SLIT3: variants seen among roughly 807,000 people sequenced by gnomAD.
SLIT3 encodes the protein slit homolog 3 protein.
A neutral mutation model predicts 184.0 loss-of-function variants in SLIT3; 68 were observed. The observed-to-expected ratio is 0.37, with a 90% CI of 0.30 to 0.45. SLIT3 has a LOEUF of 0.45. Among genes scored for constraint, SLIT3 ranks in the 20% least tolerant of loss-of-function variants. The probability of loss-of-function intolerance (pLI) is 1.00; values close to 1 mark genes in which losing one functional copy is unlikely to be tolerated. For synonymous variants in SLIT3, 831 were observed against 828.6 expected (o/e 1.00, Z -0.05); for missense variants, 1,707 against 2,026.0 (o/e 0.84, Z 3.02).
intron 4 of SLIT3, among the ~76,000 whole-genome samples, chr5:168,916,030 T>C (rs1231393000): frequency 6.6e-6 from 1 of 152,256 alleles, no homozygotes; most frequent in East Asian, 1.9e-4. Context: ...GTTTGTTACA[T>C]AGACATATTT....
intron 4 of SLIT3, among the ~76,000 whole-genome samples, chr5:169,102,144 G>C (rs13176220): frequency 5.9e-5 from 9 of 152,348 alleles, no homozygotes; most frequent in Non-Finnish European, 7.3e-5. Context: ...GCAGTCCCCA[G>C]AAAGTTATGC....
chr5:168,967,794 A>C (rs1475089600), intron 4 of SLIT3, among the ~76,000 whole-genome samples: 1 of 152,108 alleles, frequency 6.6e-6, no homozygotes, highest in East Asian at 1.9e-4. Context: ...GTCCCTCTAC[A>C]ATCACAATAT....
At chr5:168,846,643 C>T (rs1452711616) in intron 5 of SLIT3, among the ~76,000 whole-genome samples, 1 of 152,178 alleles carries the variant, frequency 6.6e-6, no homozygotes, top group Non-Finnish European at 1.5e-5. Context: ...ATGGCACCAT[C>T]CGCCTAAGTA....
At chr5:168,860,902 C>T (rs555786990) in intron 5 of SLIT3, among the ~76,000 whole-genome samples, 15 of 152,296 alleles carry the variant, frequency 9.8e-5, no homozygotes, top group Middle Eastern at 3.4e-3. Context: ...GCTTCCCCTG[C>T]GGCCCTGCAT....
intron 4 of SLIT3, among the ~76,000 whole-genome samples, chr5:169,056,002 G>T (rs1001215859): frequency 2.0e-5 from 3 of 152,108 alleles, no homozygotes; most frequent in Non-Finnish European, 4.4e-5. Flanking sequence ...TCTGACTTTG[G>T]TTCTCAAAAG....
chr5:168,858,104 A>G (rs1758965099), intron 5 of SLIT3, among the ~76,000 whole-genome samples: 1 of 152,262 alleles, frequency 6.6e-6, no homozygotes, highest in African/African-American at 2.4e-5. Context: ...CCAGCATTCA[A>G]TAATTTCATA....
At chr5:169,132,159 G>A (rs1351882465) in intron 4 of SLIT3, among the ~76,000 whole-genome samples, 3 of 152,158 alleles carry the variant, frequency 2.0e-5, no homozygotes, top group African/African-American at 7.2e-5. Context: ...GAATGCCTGT[G>A]GACGATAACG....
intron 3 of SLIT3, among the ~76,000 whole-genome samples, chr5:169,206,049 T>A (rs1028177360): frequency 2.0e-5 from 3 of 152,162 alleles, no homozygotes; most frequent in African/African-American, 7.2e-5. Flanking sequence ...GGGGTGCAAT[T>A]AATAAAAGGA....
Position 168,798,220 on chromosome 5 carries a change from C to CTTTTTTTTTTTTTTTTTTTTT in SLIT3, c.936-2643_936-2642insAAAAAAAAAAAAAAAAAAAAA, listed in dbSNP as rs575178855. Among the ~76,000 whole-genome samples, 144 of 112,250 alleles carry CTTTTTTTTTTTTTTTTTTTTT rather than the reference C, an allele frequency of 1.3e-3. 18 individuals carry two copies. Among genetic ancestry groups the CTTTTTTTTTTTTTTTTTTTTT allele is most frequent in the African/African-American group, 5.0e-3 (121 of 24,086 alleles). The allele number at this position is 112,250 out of a possible 152,430, so 73.6% of individuals were successfully genotyped here. The stretch of plus-strand genomic sequence containing the variant: ...CTTTTGGTTTTCTTTTCTTCTTCTT[C>CTTTTTTTTTTTTTTTTTTTTT]TTCTTTTTTTTTTTTTTTTAAGAGA... On this transcript the variant is annotated intron_variant, in intron 9 of 35. Coordinates refer to ENST00000519560, the MANE Select transcript of SLIT3 (RefSeq NM_003062.4).
intron 4 of SLIT3, among the ~76,000 whole-genome samples, chr5:168,887,720 A>G (rs925670692): frequency 2.0e-5 from 3 of 152,062 alleles, no homozygotes; most frequent in Non-Finnish European, 2.9e-5. Flanking sequence ...TGCCATTATG[A>G]CTTATTAGAC....
chr5:168,944,565 C>T (rs917830032), intron 4 of SLIT3, among the ~76,000 whole-genome samples: 2 of 152,218 alleles, frequency 1.3e-5, no homozygotes. Flanking sequence ...CTCTGCTGTC[C>T]CTGTTACCCT....
chr5:168,961,552 T>C (rs993700531), intron 4 of SLIT3, among the ~76,000 whole-genome samples: 11 of 152,194 alleles, frequency 7.2e-5, no homozygotes, highest in African/African-American at 2.7e-4. Context: ...GTGAGTGTTA[T>C]AGGAGTTTAG....
intron 6 of SLIT3, among the ~76,000 whole-genome samples, chr5:168,834,096 C>G (rs1581128456): frequency 6.6e-6 from 1 of 152,212 alleles, no homozygotes; most frequent in East Asian, 1.9e-4. Context: ...CTTTTTCTTT[C>G]TCTGTTTATG....
intron 4 of SLIT3, among the ~76,000 whole-genome samples, chr5:169,008,015 T>C (rs1755995203): frequency 6.6e-6 from 1 of 152,154 alleles, no homozygotes. Context: ...CCGGACACTT[T>C]CTTTTGGTAT....
chr5:168,692,574 ACT>A (rs1561877469), intron 29 of SLIT3, 31 bp downstream of exon 29: 1 of 1,494,298 alleles, frequency 6.7e-7, no homozygotes, highest in Non-Finnish European at 9.3e-7. Context: ...GTTTTCATGG[ACT>A]CTGTGCTGGG....
At chr5:168,954,387 A>G (rs1315103918) in intron 4 of SLIT3, among the ~76,000 whole-genome samples, 3 of 152,126 alleles carry the variant, frequency 2.0e-5, no homozygotes, top group Admixed American at 6.5e-5. Context: ...ATTATTTGTT[A>G]GAAACACTGG....
intron 5 of SLIT3, among the ~76,000 whole-genome samples, chr5:168,864,773 C>T (rs2113755072): frequency 6.6e-6 from 1 of 152,316 alleles, no homozygotes; most frequent in South Asian, 2.1e-4. Flanking sequence ...GCTTTCTTCG[C>T]AATTTACATT....
intron 4 of SLIT3, among the ~76,000 whole-genome samples, chr5:168,976,824 CTTTAT>C (rs1754779750): frequency 6.6e-6 from 1 of 152,246 alleles, no homozygotes; most frequent in South Asian, 2.1e-4. Flanking sequence ...GTATTATTAA[CTTTAT>C]TTTGTCTCTT....
At chr5:168,978,598 C>T (rs1245832961) in intron 4 of SLIT3, among the ~76,000 whole-genome samples, 2 of 152,168 alleles carry the variant, frequency 1.3e-5, no homozygotes, top group East Asian at 1.9e-4. Context: ...TCCAGAACTT[C>T]ACCACATAAG....
Sources: gnomAD v4.1 joint callset for allele counts (sites outside exome capture counted in the v4.1 genomes callset) on GRCh38, gnomAD v4.1.1 for gene constraint, MANE v1.5 for transcripts, NCBI Gene and HGNC (gene_info 2026-07-23, HGNC 2026-07-21) for gene names.